SLC16A6: variants seen among roughly 807,000 people sequenced by gnomAD.
SLC16A6 encodes monocarboxylate transporter 7.
A neutral mutation model predicts 33.8 loss-of-function variants in SLC16A6; 15 were observed. The observed-to-expected ratio is 0.44, with a 90% CI of 0.30 to 0.68. The LOEUF (loss-of-function observed/expected upper bound fraction) is 0.68. Among genes scored for constraint, SLC16A6 ranks in the 30% least tolerant of loss-of-function variants. The pLI, the probability that SLC16A6 is intolerant of heterozygous loss-of-function variation, is 0.10. For synonymous variants in SLC16A6, 219 were observed against 248.4 expected (o/e 0.88, Z 1.11); for missense variants, 451 against 661.5 (o/e 0.68, Z 3.49).
In SLC16A6 at chr17:68,271,185, G is replaced by C. The variant is rs781839512; in HGVS notation, c.975C>G (p.Asp325Glu). 1 of 1,613,908 alleles carries C rather than the reference G, an allele frequency of 6.2e-7. No individual in the cohort carries two copies. Among genetic ancestry groups the C allele is most frequent in the African/African-American group, 1.3e-5 (1 of 74,946 alleles). The change falls in exon 5 of 6, where the codon GAC (aspartate) becomes GAG (glutamate). Residue 325 changes from aspartate (D) to glutamate (E), a missense_variant. Physicochemically the swap from Asp to Glu is conservative, Grantham distance 45. Coordinates refer to ENST00000580666, the MANE Select transcript of SLC16A6 (RefSeq NM_004694.5). This position sits in a 1 kb window ranked among gnomAD's most constrained non-coding sequence, Gnocchi z 5.3. ...ATAATAAAAAAGCAGCGCGGTCCTGGTCAATGCCCAGACTAATGCCCAGAG... is the reference window on the plus strand; with the variant it reads ...ATAATAAAAAAGCAGCGCGGTCCTGCTCAATGCCCAGACTAATGCCCAGAG... ...IIPLGISLGI[D>E]QDRAAFLLST... is the part of the protein sequence containing the mutation.
rs1555749337 is a variant in SLC16A6 at position 68,272,631 on chromosome 17, C to G, written c.505+8G>C. 6.2e-7 allele frequency: 1 copy of G among 1,613,430 alleles called. No individual in the cohort carries two copies. The highest frequency in any genetic ancestry group is 8.5e-7 in the Non-Finnish European group (1 of 1,179,610). The stretch of plus-strand genomic sequence containing the variant: ...ACATTCATACTTAGGCTGTTGTAGT[C>G]CACCTACCTGGTGCGAAAGCAAACA... On this transcript the variant is annotated splice_region_variant and intron_variant, in intron 4 of 5. Coordinates refer to ENST00000580666, the MANE Select transcript of SLC16A6 (RefSeq NM_004694.5).
chr17:68,291,322 C>T, upstream of SLC16A6: 1 of 144,116 alleles, frequency 6.9e-6, no homozygotes, highest in Admixed American at 6.8e-5. Flanking sequence ...CCCCGGCCGC[C>T]TGCGACCCGG....
chr17:68,282,530 G>A (rs1159115530), intron 1 of SLC16A6, among the ~76,000 whole-genome samples: 2 of 151,854 alleles, frequency 1.3e-5, no homozygotes, highest in African/African-American at 4.8e-5. Context: ...CAGGCGCAGT[G>A]GCTCACGCCT....
intron 2 of SLC16A6, among the ~76,000 whole-genome samples, 180 bp downstream of exon 2, chr17:68,277,908 AG>A (rs1294295017): frequency 6.6e-6 from 1 of 152,162 alleles, no homozygotes; most frequent in African/African-American, 2.4e-5. Flanking sequence ...TTTTTTCTTC[AG>A]TGCCTTTTGT....
chr17:68,275,588 T>A lies in SLC16A6; in HGVS notation c.233-1518A>T, dbSNP rs140291060. 3.5e-3 allele frequency among the ~76,000 whole-genome samples: 526 copies of A among 152,330 alleles called. 2 individuals are homozygous for A. The highest frequency in any genetic ancestry group is 0.012 in the African/African-American group (504 of 41,582). On this transcript the variant is annotated intron_variant, in intron 2 of 5. Coordinates refer to ENST00000580666, the MANE Select transcript of SLC16A6 (RefSeq NM_004694.5). ...TATAAAAGACCTAAAACTTAAGCTT[T>A]GGGATTTTCTTTTTATTTAGATTAC... is the stretch of plus-strand genomic sequence containing the variant.
chr17:68,273,754 G>A, intron 3 of SLC16A6, 173 bp downstream of exon 3: 1 of 620,220 alleles, frequency 1.6e-6, no homozygotes, highest in Admixed American at 3.0e-5. Flanking sequence ...CAGATTCCCA[G>A]GTCCCCTGAA....
At chr17:68,272,883 C>T in intron 3 of SLC16A6, 116 bp from the exon 4 acceptor site, 2 of 1,238,120 alleles carry the variant, frequency 1.6e-6, no homozygotes, top group Non-Finnish European at 2.3e-6. Context: ...GTTCTAGGAG[C>T]CAAGTAATTC....
intron 2 of SLC16A6, among the ~76,000 whole-genome samples, chr17:68,275,622 A>C (rs1022020230): frequency 6.6e-6 from 1 of 152,206 alleles, no homozygotes; most frequent in African/African-American, 2.4e-5. Flanking sequence ...ACCAAATGTA[A>C]CATTTTAGTC....
In SLC16A6 at chr17:68,279,241, C is replaced by T. The variant is rs148471524; in HGVS notation, c.-7-914G>A. Reference sequence around the variant, plus strand: ...AAGCAAACATTGGCGGTGCATCCAGCACCTTCCACCGAGTAAGTGTTTGAG... The same window carrying T: ...AAGCAAACATTGGCGGTGCATCCAGTACCTTCCACCGAGTAAGTGTTTGAG... On this transcript the variant is annotated intron_variant, in intron 1 of 5. Transcript: ENST00000580666. 2.0e-3 allele frequency among the ~76,000 whole-genome samples: 307 copies of T among 152,212 alleles called. 1 individual carries two copies. Among genetic ancestry groups the T allele is most frequent in the South Asian group, 5.4e-3 (26 of 4,822 alleles).
At chr17:68,281,699 CA>C (rs1414997485) in intron 1 of SLC16A6, among the ~76,000 whole-genome samples, 2 of 152,162 alleles carry the variant, frequency 1.3e-5, no homozygotes, top group African/African-American at 4.8e-5. Flanking sequence ...AAATCCAAAT[CA>C]AAACCACAGT....
intron 5 of SLC16A6, 35 bp downstream of exon 5, chr17:68,270,804 T>C (rs782085718): frequency 3.7e-5 from 57 of 1,521,668 alleles, no homozygotes; most frequent in Non-Finnish European, 4.7e-5. Flanking sequence ...CAAGGGAAAG[T>C]AGACAAGTGT....
intron 1 of SLC16A6, among the ~76,000 whole-genome samples, chr17:68,286,334 G>A (rs2075841322): frequency 6.6e-6 from 1 of 152,148 alleles, no homozygotes; most frequent in Non-Finnish European, 1.5e-5. Context: ...TGTTAAAGCT[G>A]AAGGGGAAAA....
intron 1 of SLC16A6, among the ~76,000 whole-genome samples, chr17:68,283,463 T>G (rs544718606): frequency 2.1e-4 from 30 of 144,498 alleles, no homozygotes; most frequent in South Asian, 6.7e-4. Flanking sequence ...GGAGCTTGCA[T>G]TGAGCCGAGA....
intron 1 of SLC16A6, among the ~76,000 whole-genome samples, chr17:68,287,144 C>T (rs1382676399): frequency 1.3e-5 from 2 of 152,058 alleles, no homozygotes; most frequent in Admixed American, 6.5e-5. Flanking sequence ...CCACCATGCC[C>T]GGCTAATTTT....
intron 1 of SLC16A6, among the ~76,000 whole-genome samples, chr17:68,281,410 T>C (rs551764823): frequency 2.0e-5 from 3 of 151,486 alleles, no homozygotes; most frequent in Non-Finnish European, 4.4e-5. Flanking sequence ...CTACTAAAAA[T>C]ACAAAAATTA....
chr17:68,281,430 G>A (rs529190451), intron 1 of SLC16A6, among the ~76,000 whole-genome samples: 42 of 151,864 alleles, frequency 2.8e-4, no homozygotes, highest in Non-Finnish European at 4.6e-4. Context: ...AGCTGGGCGT[G>A]GTGGCATGCA....
chr17:68,276,705 T>C (rs1319539287), intron 2 of SLC16A6, among the ~76,000 whole-genome samples: 2 of 152,128 alleles, frequency 1.3e-5, no homozygotes, highest in African/African-American at 4.8e-5. Flanking sequence ...CCTTTCATCT[T>C]GGCCTCCCAG....
chr17:68,291,363 C>A (rs2075981404), upstream of SLC16A6: 1 of 149,220 alleles, frequency 6.7e-6, no homozygotes, highest in Admixed American at 6.6e-5. Context: ...CGCCCCGGCC[C>A]CGCGTCGCTG....
chr17:68,285,536 G>C (rs941520928), intron 1 of SLC16A6: 1 of 152,434 alleles, frequency 6.6e-6, no homozygotes, highest in Non-Finnish European at 1.5e-5. Context: ...CTGGTGTGGT[G>C]GTGCGCACCT....
Sources: gnomAD v4.1 joint callset for allele counts (sites outside exome capture counted in the v4.1 genomes callset) on GRCh38, gnomAD v4.1.1 for gene constraint, Gnocchi (gnomAD v3.1) non-coding constraint, MANE v1.5 for transcripts, NCBI Gene and HGNC (gene_info 2026-07-23, HGNC 2026-07-21) for gene names.